Variants in PALM2AKAP2 observed in about 807,000 individuals in gnomAD.
PALM2AKAP2 encodes PALM2 and AKAP2 fusion, also known as PALM2-AKAP2 fusion protein.
PALM2AKAP2 carries 37 observed loss-of-function variants against 71.5 expected under a neutral mutation model. The observed-to-expected ratio is 0.52, with a 90% confidence interval of 0.40 to 0.68. The LOEUF (loss-of-function observed/expected upper bound fraction) is 0.68. Among genes scored for constraint, PALM2AKAP2 ranks in the 30% least tolerant of loss-of-function variants. The pLI is 0.00. For missense variants in PALM2AKAP2, 1,224 were observed against 1,191.8 expected (o/e 1.03, Z -0.40); for synonymous variants, 468 against 478.8 (o/e 0.98, Z 0.29).
At chr9:109,780,977 C>A (rs1213931588) in intron 1 of PALM2AKAP2, among the ~76,000 whole-genome samples, 1 of 152,188 alleles carries the variant, frequency 6.6e-6, no homozygotes, top group Non-Finnish European at 1.5e-5. Flanking sequence ...ACTCAGCCAG[C>A]CACGCGGTAG....
chr9:110,142,591 T>C (rs1192129674), intron 2 of PALM2AKAP2, among the ~76,000 whole-genome samples: 1 of 152,172 alleles, frequency 6.6e-6, no homozygotes, highest in Admixed American at 6.5e-5. Context: ...AGGAAGACCA[T>C]ATCATTTGGA....
intron 1 of PALM2AKAP2, among the ~76,000 whole-genome samples, chr9:109,836,405 T>A (rs1368821800): frequency 1.3e-5 from 2 of 151,730 alleles, no homozygotes; most frequent in African/African-American, 2.4e-5. Context: ...AGACCAGAGG[T>A]AGATAAAACC....
At chr9:109,983,975 A>G (rs896827178) in intron 6 of PALM2AKAP2, among the ~76,000 whole-genome samples, 1 of 152,214 alleles carries the variant, frequency 6.6e-6, no homozygotes, top group Non-Finnish European at 1.5e-5. Context: ...TATTGAATAA[A>G]TCATCATAAT....
intron 1 of PALM2AKAP2, among the ~76,000 whole-genome samples, chr9:109,643,287 A>C (rs904868136): frequency 2.6e-5 from 4 of 152,202 alleles, no homozygotes; most frequent in Admixed American, 6.5e-5. Flanking sequence ...TCATTTTCTT[A>C]GACATGGAGA....
At chr9:110,137,421 G>A in exon 2 of PALM2AKAP2, 1 of 1,614,166 alleles carries the variant, frequency 6.2e-7, no homozygotes, top group Non-Finnish European at 8.5e-7. Context: ...AAATCCCCCG[G>A]TGCCCTGGAG....
At chr9:109,969,125 A>G (rs1026610619) in intron 6 of PALM2AKAP2, among the ~76,000 whole-genome samples, 1 of 134,830 alleles carries the variant, frequency 7.4e-6, no homozygotes, top group Non-Finnish European at 1.7e-5. Flanking sequence ...ACTCCCAGAA[A>G]GGACCCTCTG....
chr9:110,059,631 G>A (rs1016504505), intron 1 of PALM2AKAP2, among the ~76,000 whole-genome samples: 21 of 152,174 alleles, frequency 1.4e-4, no homozygotes, highest in Admixed American at 1.3e-3. Flanking sequence ...GGCAGTGACC[G>A]GCCAGCTGCA....
At chr9:110,002,405 A>G (rs1434690703) in intron 6 of PALM2AKAP2, among the ~76,000 whole-genome samples, 1 of 151,530 alleles carries the variant, frequency 6.6e-6, no homozygotes, top group East Asian at 1.9e-4. Flanking sequence ...ATGCTGCTAG[A>G]TTCACATCAA....
intron 1 of PALM2AKAP2, among the ~76,000 whole-genome samples, chr9:109,764,073 T>C (rs966978493): frequency 2.6e-5 from 4 of 152,262 alleles, no homozygotes; most frequent in Non-Finnish European, 5.9e-5. Flanking sequence ...GTCATCATAG[T>C]TATTACTTTC....
chr9:109,702,785 T>G (rs899081998), intron 1 of PALM2AKAP2, among the ~76,000 whole-genome samples: 2 of 150,740 alleles, frequency 1.3e-5, no homozygotes, highest in Non-Finnish European at 3.0e-5. Context: ...TCCTTGGGCA[T>G]GATGATGTAA....
chr9:110,140,235 G>T (rs1030848904), intron 2 of PALM2AKAP2, among the ~76,000 whole-genome samples: 1 of 151,904 alleles, frequency 6.6e-6, no homozygotes, highest in African/African-American at 2.4e-5. Flanking sequence ...ATTTTTATCC[G>T]CAACTTGTTC....
intron 6 of PALM2AKAP2, among the ~76,000 whole-genome samples, chr9:109,985,619 C>CA (rs36078594): frequency 0.78 from 98,957 of 126,676 alleles, 38,153 homozygotes; most frequent in Admixed American, 0.82. Flanking sequence ...GACTCCGTCT[C>CA]AAAAAAAAAA....
At chr9:109,653,135 C>T (rs561965749) in intron 1 of PALM2AKAP2, among the ~76,000 whole-genome samples, 12 of 152,270 alleles carry the variant, frequency 7.9e-5, no homozygotes, top group East Asian at 1.9e-4. Context: ...ATGCTGCCTC[C>T]GTGATCATGG....
chr9:109,709,637 AG>A (rs1828197007), intron 1 of PALM2AKAP2, among the ~76,000 whole-genome samples: 1 of 152,176 alleles, frequency 6.6e-6, no homozygotes, highest in East Asian at 1.9e-4. Context: ...GGAGGCTGTC[AG>A]GGGCCCAGGC....
chr9:110,044,107 CTCATTGTCATAT>C (rs1346256935), upstream of PALM2AKAP2, among the ~76,000 whole-genome samples: 670 of 152,112 alleles, frequency 4.4e-3, 6 homozygotes, highest in African/African-American at 0.015. Flanking sequence ...GGAGTAGTAA[CTCATTGTCATAT>C]ATGTTGCAAA....
At chr9:110,011,923 G>A (rs1588057876) in intron 6 of PALM2AKAP2, among the ~76,000 whole-genome samples, 1 of 152,176 alleles carries the variant, frequency 6.6e-6, no homozygotes, top group South Asian at 2.1e-4. Flanking sequence ...CCATAGGTAC[G>A]AGAGTGAGGG....
At chr9:109,757,572 A>G (rs1828982794) in intron 1 of PALM2AKAP2, among the ~76,000 whole-genome samples, 1 of 152,140 alleles carries the variant, frequency 6.6e-6, no homozygotes, top group African/African-American at 2.4e-5. Flanking sequence ...ATCACATAGC[A>G]AGTTATATAA....
intron 1 of PALM2AKAP2, among the ~76,000 whole-genome samples, chr9:109,766,668 A>C (rs1266177807): frequency 6.6e-6 from 1 of 152,200 alleles, no homozygotes; most frequent in Non-Finnish European, 1.5e-5. Context: ...AGCGGATTAC[A>C]AAGACTCTGA....
intron 1 of PALM2AKAP2, among the ~76,000 whole-genome samples, chr9:109,644,336 C>T (rs1426313304): frequency 6.6e-6 from 1 of 152,122 alleles, no homozygotes; most frequent in African/African-American, 2.4e-5. Flanking sequence ...GGTAGAAAAG[C>T]CCACTTTGAA....
Sources: gnomAD v4.1 joint callset for allele counts (sites outside exome capture counted in the v4.1 genomes callset) on GRCh38, gnomAD v4.1.1 for gene constraint, MANE v1.5 for transcripts, NCBI Gene and HGNC (gene_info 2026-07-23, HGNC 2026-07-21) for gene names.